DIPK2A: variants seen among roughly 807,000 people sequenced by gnomAD.
DIPK2A encodes Golgi Protein of 49 kDa.
DIPK2A carries 27 observed loss-of-function variants against 39.0 expected under a neutral mutation model. That is an observed-to-expected ratio of 0.69 (90% CI 0.51 to 0.96). DIPK2A has a LOEUF of 0.96. Among genes scored for constraint, DIPK2A ranks in the 40% least tolerant of loss-of-function variants. The pLI, the probability that DIPK2A is intolerant of heterozygous loss-of-function variation, is 0.00. For missense variants in DIPK2A, 528 were observed against 571.3 expected (o/e 0.92, Z 0.77); for synonymous variants, 298 against 240.8 (o/e 1.24, Z -2.20).
At chr3:143,973,335 G>T (rs906003994) in intron 1 of DIPK2A, 6 of 1,540,636 alleles carry the variant, frequency 3.9e-6, no homozygotes, top group Non-Finnish European at 3.5e-6. Context: ...GCTTTTATCT[G>T]CCGGGGCTTG....
intron 1 of DIPK2A, among the ~76,000 whole-genome samples, chr3:143,978,678 ATATC>A (rs1559854308): frequency 1.4e-4 from 8 of 55,300 alleles, no homozygotes; most frequent in East Asian, 5.4e-4. Flanking sequence ...AGATATATAT[ATATC>A]TATATATATA....
rs1271023270 is a variant in DIPK2A at position 143,991,142 on chromosome 3, CACTA to C, written c.*1304_*1307del. The C allele has an allele frequency of 2.1e-5, 2 of 95,678 alleles. No individual in the cohort carries two copies. The highest frequency in any genetic ancestry group is 4.0e-5 in the Non-Finnish European group (2 of 49,804). 5.9% of individuals were successfully genotyped at this position (95,678 alleles called of 1,614,324 possible). A position where few individuals can be genotyped will look rare whatever the true frequency, so the allele number is the denominator to read the frequency against. ...TGGGCTCTTTATATAAGTTGACTATCACTAACAGGTAATATTTTTCTGTTTGAAG... is the reference window on the plus strand; with the variant it reads ...TGGGCTCTTTATATAAGTTGACTATCACAGGTAATATTTTTCTGTTTGAAG... On this transcript the variant is annotated 3_prime_UTR_variant, in exon 3 of 3. Coordinates refer to ENST00000315691, the MANE Select transcript of DIPK2A (RefSeq NM_173552.5).
rs775241327 is a variant in DIPK2A at position 143,972,602 on chromosome 3, C to T, written c.270C>T (p.Asn90=). The T allele has an allele frequency of 5.6e-6, 9 of 1,612,208 alleles. 1 individual carries two copies. In the South Asian group the frequency reaches 8.8e-5, roughly 16 times the overall value. ...TGCTGGACTTCCTCAACGTGAAGAACGTGTACTTCGCGCAGTACGGCGAGC... is the reference window on the plus strand; with the variant it reads ...TGCTGGACTTCCTCAACGTGAAGAATGTGTACTTCGCGCAGTACGGCGAGC... ...LRLLDFLNVK[N]VYFAQYGEPR... is the part of the protein sequence containing the mutation. Residue 90 remains asparagine, a synonymous_variant, in exon 1 of 3, where the codon AAC becomes AAT. Coordinates refer to ENST00000315691, the MANE Select transcript of DIPK2A (RefSeq NM_173552.5).
chr3:143,974,976 C>G (rs2087708984), intron 1 of DIPK2A, among the ~76,000 whole-genome samples: 1 of 152,044 alleles, frequency 6.6e-6, no homozygotes, highest in South Asian at 2.1e-4. Flanking sequence ...TTTAACTTTT[C>G]CCTCAAACTT....
rs1467182451 is a variant in DIPK2A at position 143,972,089 on chromosome 3, G to A, written c.-244G>A. ...AGGCGCCGCCGGAGTCGGAGGGCGGGGAGCTAGGAGGAGGGAGCTCGAGAG... is the reference window on the plus strand; with the variant it reads ...AGGCGCCGCCGGAGTCGGAGGGCGGAGAGCTAGGAGGAGGGAGCTCGAGAG... On this transcript the variant is annotated 5_prime_UTR_variant, in exon 1 of 3. Transcript: ENST00000315691. The A allele has an allele frequency of 1.0e-5, 4 of 387,644 alleles. No individual in the cohort carries two copies. Among genetic ancestry groups the A allele is most frequent in the African/African-American group, 2.1e-5 (1 of 48,186 alleles). 24.0% of individuals were successfully genotyped at this position (387,644 alleles called of 1,614,324 possible).
intron 1 of DIPK2A, 132 bp from the exon 2 acceptor site, chr3:143,985,411 C>G: frequency 5.1e-6 from 4 of 776,712 alleles, no homozygotes; most frequent in Non-Finnish European, 8.3e-6. Flanking sequence ...AAGTTAATCT[C>G]TAATAAACTG....
At chr3:143,973,379 G>A (rs1404341230) in intron 1 of DIPK2A, 2 of 1,548,114 alleles carry the variant, frequency 1.3e-6, no homozygotes, top group African/African-American at 1.4e-5. Context: ...ACGAGCCCTT[G>A]GACCTTTCCT....
rs569304826 is a variant in DIPK2A, at chr3:143,985,858, A to AT, written c.961+16dup. ...ATTAATTAGACAAAGTAAGTATATAATTTTAGATTTTTTTCTACTCATTTT... is the reference window on the plus strand; with the variant it reads ...ATTAATTAGACAAAGTAAGTATATAATTTTTAGATTTTTTTCTACTCATTTT... On this transcript the variant is annotated intron_variant, in intron 2 of 2. Transcript: ENST00000315691. The AT allele has an allele frequency of 3.7e-4, 585 of 1,573,732 alleles. 1 individual carries two copies. In the African/African-American group the frequency reaches 6.4e-3, roughly 17 times the overall value.
At chr3:143,983,331 A>G (rs538959684) in intron 1 of DIPK2A, among the ~76,000 whole-genome samples, 59 of 152,332 alleles carry the variant, frequency 3.9e-4, no homozygotes, top group Middle Eastern at 3.4e-3. Flanking sequence ...CAGCAAATGC[A>G]AAAGAAAATC....
intron 1 of DIPK2A, among the ~76,000 whole-genome samples, chr3:143,975,452 G>A (rs961744955): frequency 6.6e-6 from 1 of 152,040 alleles, no homozygotes; most frequent in African/African-American, 2.4e-5. Context: ...TATACTTGAG[G>A]TTTGATGATT....
intron 1 of DIPK2A, among the ~76,000 whole-genome samples, chr3:143,983,192 A>G (rs2087849606): frequency 6.6e-6 from 1 of 152,206 alleles, no homozygotes; most frequent in South Asian, 2.1e-4. Context: ...AAAGATATTC[A>G]GGACTTGAAC....
intron 1 of DIPK2A, among the ~76,000 whole-genome samples, chr3:143,980,692 A>T (rs184985191): frequency 3.3e-4 from 50 of 151,200 alleles, no homozygotes; most frequent in African/African-American, 1.2e-3. Context: ...TTTAGATTGT[A>T]TGTTTTATTA....
intron 1 of DIPK2A, chr3:143,973,288 A>ACTGCGAGTTTC (rs2087684942): frequency 6.8e-7 from 1 of 1,473,200 alleles, no homozygotes; most frequent in Non-Finnish European, 9.2e-7. Flanking sequence ...AAATGTCTCT[A>ACTGCGAGTTTC]CTGCGAGTTT....
At position 143,972,647 on chromosome 3, in the gene DIPK2A, C is replaced by A; in HGVS notation, c.315C>A (p.Arg105=). The change falls in exon 1 of 3, where the codon CGC becomes CGA. Residue 105 remains arginine, a synonymous_variant. Transcript: ENST00000315691. The part of the protein sequence containing the change: ...QYGEPREGGR[R]RVVLKRLGSQ... The stretch of plus-strand genomic sequence containing the variant: ...GCGAGCCCCGCGAGGGCGGCCGCCG[C>A]CGAGTGGTGCTCAAGCGCCTCGGCT... The A allele has an allele frequency of 6.2e-7, 1 of 1,611,252 alleles. No individual in the cohort carries two copies. Among genetic ancestry groups the A allele is most frequent in the Non-Finnish European group, 8.5e-7 (1 of 1,179,288 alleles).
In DIPK2A at chr3:143,972,378, C is replaced by T. The variant is rs1427199574; in HGVS notation, c.46C>T (p.Leu16=). Residue 16 remains leucine (L), a synonymous_variant, in exon 1 of 3, where the codon CTG becomes TTG. Coordinates refer to ENST00000315691, the MANE Select transcript of DIPK2A (RefSeq NM_173552.5). Reference sequence around the variant, plus strand: ...GAAGCTGGGCCGCCTGTCCCGCTCGCTGAAGCTGGCGGCGCTGGGCAGCCT... The same window carrying T: ...GAAGCTGGGCCGCCTGTCCCGCTCGTTGAAGCTGGCGGCGCTGGGCAGCCT... ...PPKLGRLSRS[L]KLAALGSLLV... is the part of the protein sequence containing the mutation. 2 of 1,418,518 alleles carry T rather than the reference C, an allele frequency of 1.4e-6. No homozygotes were observed. The highest frequency in any genetic ancestry group is 1.5e-5 in the African/African-American group (1 of 66,636). The allele number at this position is 1,418,518 out of a possible 1,614,324, so 87.9% of individuals were successfully genotyped here. A position where few individuals can be genotyped will look rare whatever the true frequency, so the allele number is the denominator to read the frequency against.
Position 143,989,757 on chromosome 3 carries a change from C to T in DIPK2A, c.1209C>T (p.Ala403=). 6.2e-7 allele frequency: 1 copy of T among 1,614,198 alleles called. No homozygotes were observed. Among genetic ancestry groups the T allele is most frequent in the Non-Finnish European group, 8.5e-7 (1 of 1,180,036 alleles). ...GRLEALLDEC[A]NPKKRYGRFQ... is the part of the protein sequence containing the mutation. ...TCGAGGCCTTGCTGGATGAGTGTGC[C>T]AACCCAAAGAAGCGCTATGGCAGAT... Residue 403 remains alanine (A), a synonymous_variant, in exon 3 of 3, where the codon GCC becomes GCT. Coordinates refer to ENST00000315691, the MANE Select transcript of DIPK2A (RefSeq NM_173552.5).
intron 1 of DIPK2A, chr3:143,973,672 T>C: frequency 1.3e-6 from 1 of 781,612 alleles, no homozygotes; most frequent in Non-Finnish European, 2.2e-6. Flanking sequence ...ACAGACGTTT[T>C]CATCCTGATC....
intron 2 of DIPK2A, among the ~76,000 whole-genome samples, chr3:143,986,846 A>G (rs1218251734): frequency 1.3e-5 from 2 of 151,830 alleles, no homozygotes; most frequent in Non-Finnish European, 2.9e-5. Flanking sequence ...TTGTTGCTCC[A>G]TGGTGAGGGT....
rs1436050235 is a variant in DIPK2A at position 143,992,042 on chromosome 3, G to C, written c.*2201G>C. ...ATCTTTGGGAAAAGTTGAGAAGATA[G>C]TAAAAGAATTAGGAATTTAAAATTA... On this transcript the variant is annotated 3_prime_UTR_variant, in exon 3 of 3. Transcript: ENST00000315691. 6.6e-6 allele frequency: 1 copy of C among 152,562 alleles called. No individual in the cohort carries two copies. The highest frequency in any genetic ancestry group is 2.4e-5 in the African/African-American group (1 of 41,430). 9.5% of individuals were successfully genotyped at this position (152,562 alleles called of 1,614,324 possible).
Sources: gnomAD v4.1 joint callset for allele counts (sites outside exome capture counted in the v4.1 genomes callset) on GRCh38, gnomAD v4.1.1 for gene constraint, MANE v1.5 for transcripts, NCBI Gene and HGNC (gene_info 2026-07-23, HGNC 2026-07-21) for gene names.